Variants in NALCN observed in about 807,000 individuals in gnomAD.
The protein encoded by NALCN is sodium leak channel NALCN.
NALCN carries 111 observed loss-of-function variants against 225.3 expected under a neutral mutation model. The ratio of observed to expected loss-of-function variants is 0.49; its 90% CI spans 0.42 to 0.58. NALCN has a LOEUF of 0.58. NALCN is among the 20% of genes least tolerant of loss of function. NALCN has a pLI of 0.00. For synonymous variants in NALCN, 764 were observed against 769.0 expected, an observed-to-expected ratio of 0.99 and a Z score of 0.11; for missense variants, 1,378 against 2,202.4, an observed-to-expected ratio of 0.63 and a Z score of 7.49.
intron 27 of NALCN, among the ~76,000 whole-genome samples, chr13:101,097,039 C>T (rs1042225585): frequency 2.6e-5 from 4 of 152,154 alleles, no homozygotes; most frequent in African/African-American, 7.2e-5. Context: ...CTTAGGGTTC[C>T]CTGGGCTTTC....
intron 11 of NALCN, among the ~76,000 whole-genome samples, chr13:101,248,312 C>G (rs930864073): frequency 6.6e-6 from 1 of 152,024 alleles, no homozygotes; most frequent in Non-Finnish European, 1.5e-5. Flanking sequence ...TGGGAACGAA[C>G]CAATAATTTC....
intron 42 of NALCN, 46 bp from the exon 43 acceptor site, chr13:101,058,102 G>A (rs752466695): frequency 6.6e-6 from 10 of 1,509,822 alleles, no homozygotes; most frequent in Middle Eastern, 1.8e-4. Flanking sequence ...TTAACCCTGC[G>A]CTCTCCTCCT....
intron 27 of NALCN, among the ~76,000 whole-genome samples, chr13:101,099,727 C>T (rs538255664): frequency 2.0e-5 from 3 of 152,260 alleles, no homozygotes; most frequent in Non-Finnish European, 4.4e-5. Context: ...AGTATCTCTG[C>T]TCTTTACAGA....
intron 10 of NALCN, among the ~76,000 whole-genome samples, chr13:101,278,510 G>A (rs1441581955): frequency 1.5e-5 from 2 of 131,252 alleles, no homozygotes; most frequent in East Asian, 4.8e-4. Context: ...GCAGGAGAGT[G>A]AGACTCTGTC....
chr13:101,378,757 T>C (rs949382228), intron 3 of NALCN, 104 bp from the exon 4 acceptor site: 2 of 940,234 alleles, frequency 2.1e-6, no homozygotes, highest in Non-Finnish European at 3.2e-6. Flanking sequence ...CTATCTACAA[T>C]TTTTGTATCA....
intron 41 of NALCN, among the ~76,000 whole-genome samples, chr13:101,060,275 G>GTTTCTTTT (rs2031761820): frequency 1.3e-5 from 1 of 79,854 alleles, no homozygotes; most frequent in African/African-American, 5.1e-5. Flanking sequence ...GGTGTTTTCT[G>GTTTCTTTT]TTTTTTTTTT....
At chr13:101,181,770 A>G (rs2039238175) in intron 14 of NALCN, among the ~76,000 whole-genome samples, 1 of 152,014 alleles carries the variant, frequency 6.6e-6, no homozygotes, top group South Asian at 2.1e-4. Flanking sequence ...CAAAACAAAA[A>G]AATAAACTGG....
chr13:101,129,318 T>C (rs775016022), intron 17 of NALCN, among the ~76,000 whole-genome samples: 6 of 152,230 alleles, frequency 3.9e-5, no homozygotes, highest in Non-Finnish European at 8.8e-5. Context: ...AAAAATGTCA[T>C]TATGAACTCA....
chr13:101,254,662 C>A (rs189527503), intron 11 of NALCN, among the ~76,000 whole-genome samples: 778 of 72,950 alleles, frequency 0.011, 114 homozygotes, highest in African/African-American at 0.027. Flanking sequence ...GAGGCCGAGG[C>A]GGGCGGATCA....
chr13:101,068,921 T>C lies in NALCN; in HGVS notation c.4198-94A>G. 3.8e-6 allele frequency: 5 copies of C among 1,307,176 alleles called. No individual in the cohort carries two copies. In the East Asian group the frequency reaches 8.2e-5, roughly 21 times the overall value. The allele number at this position is 1,307,176 out of a possible 1,614,324, so 81.0% of individuals were successfully genotyped here. Reference sequence around the variant, plus strand: ...TAGTTAATGAATAGATTCCTAAACATATAGCATATAATTAACTTCAAAGTA... The same window carrying C: ...TAGTTAATGAATAGATTCCTAAACACATAGCATATAATTAACTTCAAAGTA... On this transcript the variant is annotated intron_variant, in intron 37 of 43. Coordinates refer to ENST00000251127, the MANE Select transcript of NALCN (RefSeq NM_052867.4).
intron 14 of NALCN, 129 bp downstream of exon 14, chr13:101,191,788 C>CA: frequency 8.2e-6 from 7 of 849,698 alleles, no homozygotes; most frequent in Non-Finnish European, 1.2e-5. Flanking sequence ...GGAGGGATCT[C>CA]ATCCAACCAG....
chr13:101,340,103 T>C (rs1450816835), intron 7 of NALCN, among the ~76,000 whole-genome samples: 1 of 151,716 alleles, frequency 6.6e-6, no homozygotes, highest in Non-Finnish European at 1.5e-5. Flanking sequence ...CCGTCTCTAC[T>C]AAAAATACAA....
At chr13:101,251,268 T>C (rs2042053556) in intron 11 of NALCN, among the ~76,000 whole-genome samples, 1 of 152,098 alleles carries the variant, frequency 6.6e-6, no homozygotes, top group Non-Finnish European at 1.5e-5. Flanking sequence ...GCAGAACAAA[T>C]AAATTCATGC....
chr13:101,170,122 GA>G (rs1351281457), intron 15 of NALCN, among the ~76,000 whole-genome samples: 1 of 152,176 alleles, frequency 6.6e-6, no homozygotes, highest in Non-Finnish European at 1.5e-5. Flanking sequence ...ATTCTCCAGA[GA>G]AACAGGACCA....
chr13:101,166,692 A>G (rs1006950880), intron 15 of NALCN, among the ~76,000 whole-genome samples: 24 of 151,668 alleles, frequency 1.6e-4, no homozygotes, highest in African/African-American at 5.3e-4. Flanking sequence ...TTGGCTTTTC[A>G]CTCTATTGAT....
intron 15 of NALCN, among the ~76,000 whole-genome samples, chr13:101,172,448 T>C (rs530798424): frequency 3.7e-4 from 56 of 152,216 alleles, no homozygotes; most frequent in Non-Finnish European, 7.2e-4. Flanking sequence ...TTTCACTTTC[T>C]ACCACCATCT....
intron 17 of NALCN, among the ~76,000 whole-genome samples, chr13:101,134,549 TTCTA>T (rs1223847068): frequency 2.0e-5 from 3 of 152,240 alleles, no homozygotes; most frequent in African/African-American, 7.2e-5. Flanking sequence ...GTATTACTTT[TTCTA>T]TCTTATATAT....
Position 101,292,329 on chromosome 13 carries a change from C to T in NALCN, c.837G>A (p.Gln279=). The part of the protein sequence containing the change: ...SIFTVYEAAS[Q]EGWVFLMYRA... Reference sequence around the variant, plus strand: ...TGTACATGAGGAACACCCAGCCTTCCTGTGAGGCGGCCTCATAGACGGTGA... The same window carrying T: ...TGTACATGAGGAACACCCAGCCTTCTTGTGAGGCGGCCTCATAGACGGTGA... The change falls in exon 8 of 44, where the codon CAG becomes CAA. Residue 279 remains glutamine (Q), a synonymous_variant. Transcript: ENST00000251127. This position sits in a 1 kb window ranked among gnomAD's most constrained non-coding sequence, Gnocchi z 4.3. 8 of 1,614,132 alleles carry T rather than the reference C, an allele frequency of 5.0e-6. No homozygotes were observed. The highest frequency in any genetic ancestry group is 6.8e-6 in the Non-Finnish European group (8 of 1,180,030).
intron 4 of NALCN, among the ~76,000 whole-genome samples, chr13:101,378,318 T>C (rs2046751084): frequency 6.6e-6 from 1 of 152,088 alleles, no homozygotes; most frequent in Non-Finnish European, 1.5e-5. Context: ...CTTGTATACA[T>C]CAAATATCAC....
Sources: gnomAD v4.1 joint callset for allele counts (sites outside exome capture counted in the v4.1 genomes callset) on GRCh38, gnomAD v4.1.1 for gene constraint, Gnocchi (gnomAD v3.1) non-coding constraint, MANE v1.5 for transcripts, NCBI Gene and HGNC (gene_info 2026-07-23, HGNC 2026-07-21) for gene names.